The following SLC5A8 variants were observed in gnomAD, a reference collection of about 807,000 sequenced individuals.
SLC5A8 encodes solute carrier family 5 member 8, also known as sodium-coupled monocarboxylate transporter 1.
SLC5A8 carries 55 observed loss-of-function variants against 71.9 expected under a neutral mutation model. The observed-to-expected ratio is 0.77, with a 90% CI of 0.62 to 0.96. The LOEUF (loss-of-function observed/expected upper bound fraction) is 0.96, where lower values mean the gene tolerates loss of function less well. Ranked by LOEUF, SLC5A8 falls within the 40% of genes least tolerant of loss-of-function variation. The pLI, the probability that SLC5A8 is intolerant of heterozygous loss-of-function variation, is 0.00. For missense variants in SLC5A8, 701 were observed against 745.3 expected (o/e 0.94, Z 0.69); for synonymous variants, 307 against 276.1 (o/e 1.11, Z -1.11).
At chr12:101,179,572 T>G (rs2051912748) in intron 10 of SLC5A8, among the ~76,000 whole-genome samples, 1 of 152,206 alleles carries the variant, frequency 6.6e-6, no homozygotes, top group Admixed American at 6.5e-5. Flanking sequence ...TGTAGCATTC[T>G]TGACCTGGTA....
chr12:101,155,685 G>C lies in SLC5A8; in HGVS notation c.*1594C>G, dbSNP rs2051653244. 1 of 150,744 alleles carries C rather than the reference G, an allele frequency of 6.6e-6. No homozygotes were observed. The highest frequency in any genetic ancestry group is 2.1e-4 in the South Asian group (1 of 4,798). The allele number at this position is 150,744 out of a possible 1,614,324, so 9.3% of individuals were successfully genotyped here. A position where few individuals can be genotyped will look rare whatever the true frequency, so the allele number is the denominator to read the frequency against. ...TTTATTTTTATTTTTTATTTTTGTAGAGATGAGGTCTAACTATGTTTCCAG... is the reference window on the plus strand; with the variant it reads ...TTTATTTTTATTTTTTATTTTTGTACAGATGAGGTCTAACTATGTTTCCAG... On this transcript the variant is annotated 3_prime_UTR_variant, in exon 15 of 15. Transcript: ENST00000536262.
chr12:101,166,493 C>G lies in SLC5A8; in HGVS notation c.1526+1G>C. On this transcript the variant is annotated splice_donor_variant, in intron 12 of 14. Transcript: ENST00000536262. LOFTEE classifies it high-confidence loss of function. ...TAATGTAATAAAACTTAATTCAATA[C>G]CTTTGAACATTGTATATTTGAAAAA... The G allele has an allele frequency of 6.2e-7, 1 of 1,611,304 alleles. No individual in the cohort carries two copies. Among genetic ancestry groups the G allele is most frequent in the Non-Finnish European group, 8.5e-7 (1 of 1,178,830 alleles).
chr12:101,209,365 G>T (rs1047645321), intron 1 of SLC5A8, 133 bp downstream of exon 1: 2 of 672,498 alleles, frequency 3.0e-6, no homozygotes, highest in Admixed American at 3.0e-5. Flanking sequence ...GTGAAGGGAG[G>T]GTGATGATGA....
chr12:101,206,466 A>T (rs1010586115), intron 1 of SLC5A8, among the ~76,000 whole-genome samples: 5 of 152,236 alleles, frequency 3.3e-5, no homozygotes, highest in Admixed American at 3.3e-4. Flanking sequence ...TGAAGCAAGT[A>T]AGTTAATCAA....
chr12:101,198,806 C>T (rs1869308200), intron 3 of SLC5A8, among the ~76,000 whole-genome samples: 3 of 151,780 alleles, frequency 2.0e-5, no homozygotes, highest in African/African-American at 4.8e-5. Context: ...GTTAGCAAAT[C>T]GAATTCGGTA....
At chr12:101,176,632 G>A (rs962168433) in intron 10 of SLC5A8, among the ~76,000 whole-genome samples, 4 of 151,968 alleles carry the variant, frequency 2.6e-5, no homozygotes, top group Non-Finnish European at 4.4e-5. Flanking sequence ...ATAACAGAAA[G>A]ATAACAGGAA....
chr12:101,183,035 CTTTTTTTTTTTTTT>C (rs34182928), intron 8 of SLC5A8, 120 bp from the exon 9 acceptor site: 88 of 74,578 alleles, frequency 1.2e-3, no homozygotes, highest in Middle Eastern at 8.5e-3. Flanking sequence ...TTCTACTATG[CTTTTTTTTTTTTTT>C]TTTTTTTTTT....
intron 7 of SLC5A8, among the ~76,000 whole-genome samples, chr12:101,185,337 C>A (rs1240228136): frequency 6.6e-6 from 1 of 152,172 alleles, no homozygotes; most frequent in Non-Finnish European, 1.5e-5. Context: ...TAGGTTCCAT[C>A]TATAGTGTTA....
chr12:101,189,186 C>A (rs1868793667), intron 6 of SLC5A8, among the ~76,000 whole-genome samples: 1 of 152,180 alleles, frequency 6.6e-6, no homozygotes, highest in Non-Finnish European at 1.5e-5. Flanking sequence ...CACAATTACT[C>A]TGGGAGAGGT....
chr12:101,209,753 G>C lies in SLC5A8; in HGVS notation c.96C>G (p.Tyr32Ter). 1.9e-6 allele frequency: 3 copies of C among 1,612,150 alleles called. No individual in the cohort carries two copies. Among genetic ancestry groups the C allele is most frequent in the South Asian group, 1.1e-5 (1 of 91,066 alleles). The change falls in exon 1 of 15, where the codon TAC becomes TAG. Residue 32 changes from tyrosine (Y) to a stop codon, truncating the protein, a stop_gained. Coordinates refer to ENST00000536262, the MANE Select transcript of SLC5A8 (RefSeq NM_145913.5). LOFTEE classifies it high-confidence loss of function. Reference protein sequence around the residue: ...LVISAAIGIYYAFAGGGQQTS... With the variant: ...LVISAAIGIY ...TCTGCTGGCCGCCCCCAGCGAAGGC[G>C]TAGTAGATGCCGATGGCGGCCGAGA...
intron 1 of SLC5A8, among the ~76,000 whole-genome samples, chr12:101,207,788 CCACT>C (rs1227764050): frequency 6.6e-6 from 1 of 152,082 alleles, no homozygotes; most frequent in Non-Finnish European, 1.5e-5. Context: ...TTCCTCCCAC[CCACT>C]AAGATATATG....
Position 101,179,911 on chromosome 12 carries a change from G to A in SLC5A8, c.1233+118C>T, listed in dbSNP as rs1464167325. ...AAAATTAAAAAGTGTAGTCATCCCT[G>A]CCACTTGATATGTCCAGGTGTCGAT... On this transcript the variant is annotated intron_variant, in intron 10 of 14. Coordinates refer to ENST00000536262, the MANE Select transcript of SLC5A8 (RefSeq NM_145913.5). 25 of 1,014,354 alleles carry A rather than the reference G, an allele frequency of 2.5e-5. No individual in the cohort carries two copies. The Admixed American group carries it at 5.2e-4, about 21-fold the overall frequency. The allele number at this position is 1,014,354 out of a possible 1,614,324, so 62.8% of individuals were successfully genotyped here.
chr12:101,161,463 T>C (rs1240411662), intron 13 of SLC5A8, among the ~76,000 whole-genome samples: 1 of 152,158 alleles, frequency 6.6e-6, no homozygotes, highest in East Asian at 1.9e-4. Context: ...GAACACACTT[T>C]TTAAAAAATG....
In SLC5A8 at chr12:101,160,136, C is replaced by T. The variant is rs143175245; in HGVS notation, c.1631-1808G>A. Among the ~76,000 whole-genome samples the T allele has an allele frequency of 7.4e-3, 1,126 of 152,162 alleles. 9 individuals carry two copies. The highest frequency in any genetic ancestry group is 0.021 in the African/African-American group (875 of 41,510). ...GGCAGAGGTTACAGTGAGCCAAGATCGCACCACTGTACTCCAGCCTGGGCA... is the reference window on the plus strand; with the variant it reads ...GGCAGAGGTTACAGTGAGCCAAGATTGCACCACTGTACTCCAGCCTGGGCA... On this transcript the variant is annotated intron_variant, in intron 13 of 14. Coordinates refer to ENST00000536262, the MANE Select transcript of SLC5A8 (RefSeq NM_145913.5).
intron 12 of SLC5A8, among the ~76,000 whole-genome samples, chr12:101,165,926 A>G (rs1329309390): frequency 6.6e-6 from 1 of 152,200 alleles, no homozygotes; most frequent in Non-Finnish European, 1.5e-5. Context: ...GCATGCCTCT[A>G]CCCACTATTT....
At position 101,184,153 on chromosome 12, in the gene SLC5A8, C is replaced by T. The variant is rs1209845105; in HGVS notation, c.1033G>A (p.Ala345Thr). ...TCATACCTTAATGTCCCACTGTAAG[C>T]ACAGGCCACAAAAAGTCCAGGAAGT... ...PGLPGLFVAC[A>T]YSGTLSTVSS... is the part of the protein sequence containing the mutation. The change falls in exon 8 of 15, where the codon GCT (alanine) becomes ACT (threonine). Residue 345 changes from alanine to threonine, a missense_variant. Coordinates refer to ENST00000536262, the MANE Select transcript of SLC5A8 (RefSeq NM_145913.5). 1 of 1,614,092 alleles carries T rather than the reference C, an allele frequency of 6.2e-7. No individual in the cohort carries two copies. The highest frequency in any genetic ancestry group is 1.7e-5 in the Admixed American group (1 of 60,024).
In SLC5A8 at chr12:101,158,301, C is replaced by G; in HGVS notation, c.1658G>C (p.Arg553Thr). 1 of 1,587,556 alleles carries G rather than the reference C, an allele frequency of 6.3e-7. No homozygotes were observed. Among genetic ancestry groups the G allele is most frequent in the South Asian group, 1.1e-5 (1 of 87,468 alleles). Residue 553 changes from arginine (R) to threonine (T), a missense_variant, in exon 14 of 15, where the codon AGA becomes ACA. Physicochemically the swap from Arg to Thr is moderately conservative, Grantham distance 71 (BLOSUM62 -1). Transcript: ENST00000536262. ...TGGRKQNLDP[R>T]YILTKEDFLS... ...AAAGTCCTCTTTGGTTAGTATGTAT[C>G]TGGGGTCTAAGTTCTGTTTTCTTCC...
chr12:101,200,031 A>AAAAAAAAAAAAAAAAAAAAAAAAAAAAAC (rs1869377578), intron 3 of SLC5A8, among the ~76,000 whole-genome samples: 1 of 99,720 alleles, frequency 1.0e-5, no homozygotes, highest in Non-Finnish European at 1.9e-5. Context: ...AAAAAAAAAA[A>AAAAAAAAAAAAAAAAAAAAAAAAAAAAAC]AAAAAAAAAA....
At chr12:101,158,915 G>A (rs541547884) in intron 13 of SLC5A8, among the ~76,000 whole-genome samples, 50 of 139,830 alleles carry the variant, frequency 3.6e-4, no homozygotes, top group African/African-American at 1.3e-3. Context: ...GCTGACTGAC[G>A]TTTGATCCAA....
Sources: gnomAD v4.1 joint callset for allele counts (sites outside exome capture counted in the v4.1 genomes callset) on GRCh38, gnomAD v4.1.1 for gene constraint, MANE v1.5 for transcripts, NCBI Gene and HGNC (gene_info 2026-07-23, HGNC 2026-07-21) for gene names.